The following SIN3B variants were observed in gnomAD, a reference collection of about 807,000 sequenced individuals.
The protein encoded by SIN3B is paired amphipathic helix protein Sin3b.
A neutral mutation model predicts 120.2 loss-of-function variants in SIN3B; 19 were observed. The observed-to-expected ratio is 0.16, with a 90% confidence interval of 0.11 to 0.23. SIN3B has a LOEUF of 0.23. Among genes scored for constraint, SIN3B ranks in the 10% least tolerant of loss-of-function variants. SIN3B has a pLI of 1.00. For synonymous variants in SIN3B, 654 were observed against 653.2 expected (o/e 1.00, Z -0.02); for missense variants, 1,073 against 1,573.0 (o/e 0.68, Z 5.38).
chr19:16,831,357 C>A (rs1404941865), intron 2 of SIN3B, 137 bp from the exon 3 acceptor site: 14 of 874,708 alleles, frequency 1.6e-5, no homozygotes, highest in Admixed American at 9.3e-5. Context: ...GCCACTGCGC[C>A]TGGTGGGTCA....
chr19:16,871,282 C>A lies in SIN3B; in HGVS notation c.2476C>A (p.Leu826Met). 1 of 1,614,232 alleles carries A rather than the reference C, an allele frequency of 6.2e-7. No homozygotes were observed. Among genetic ancestry groups the A allele is most frequent in the Non-Finnish European group, 8.5e-7 (1 of 1,180,052 alleles). The change falls in exon 14 of 19, where the codon CTG becomes ATG. Residue 826 changes from leucine (L) to methionine (M), a missense_variant. Physicochemically the swap from Leu to Met is conservative, Grantham distance 15. Transcript: ENST00000248054. ...YPAFLDMVRS[L>M]LEGSIDPTQY... ...GGCCTTCCTGGACATGGTGCGGAGC[C>A]TGCTGGAGGGCAGCATCGACCCCAC...
At chr19:16,839,886 C>T (rs746046636) in intron 3 of SIN3B, among the ~76,000 whole-genome samples, 29 of 152,184 alleles carry the variant, frequency 1.9e-4, no homozygotes, top group South Asian at 4.1e-4. Context: ...CGTGGTCGCA[C>T]GGCACCTGTG....
rs551887681 is a variant in SIN3B at position 16,829,786 on chromosome 19, T to A, written c.121-5T>A. 1 of 1,609,656 alleles carries A rather than the reference T, an allele frequency of 6.2e-7. No homozygotes were observed. The highest frequency in any genetic ancestry group is 1.3e-5 in the African/African-American group (1 of 74,700). ...GGCCCACCGGGACCCTCCCCCTCTC[T>A]GCAGGTAGAAGACGCCCTCACCTAT... On this transcript the variant is annotated splice_region_variant and splice_polypyrimidine_tract_variant and intron_variant, in intron 1 of 18. Transcript: ENST00000248054.
At chr19:16,838,478 C>T (rs570020261) in intron 3 of SIN3B, among the ~76,000 whole-genome samples, 6 of 152,208 alleles carry the variant, frequency 3.9e-5, no homozygotes, top group Admixed American at 2.6e-4. Flanking sequence ...TCGTGTTTTC[C>T]GGGGTCATTC....
chr19:16,829,685 C>T (rs1971253378), intron 1 of SIN3B, 106 bp from the exon 2 acceptor site: 1 of 1,296,606 alleles, frequency 7.7e-7, no homozygotes, highest in Non-Finnish European at 1.1e-6. Flanking sequence ...CACCTCTCAC[C>T]TCGGCCCTCC....
intron 3 of SIN3B, among the ~76,000 whole-genome samples, chr19:16,832,090 G>A (rs1971285722): frequency 6.6e-6 from 1 of 151,838 alleles, no homozygotes; most frequent in Non-Finnish European, 1.5e-5. Context: ...CCACGTTTAT[G>A]TTGGCTGTGT....
chr19:16,871,649 G>T (rs879608977), intron 14 of SIN3B: 1 of 448,650 alleles, frequency 2.2e-6, no homozygotes, highest in Non-Finnish European at 4.0e-6. Context: ...TTTCCAAAAG[G>T]AGACCCCATC....
chr19:16,832,198 T>TC (rs1971287153), intron 3 of SIN3B, among the ~76,000 whole-genome samples: 1 of 43,240 alleles, frequency 2.3e-5, no homozygotes, highest in Admixed American at 1.7e-4. Flanking sequence ...CCTCTTTTTT[T>TC]TTTTTTTTTT....
intron 4 of SIN3B, among the ~76,000 whole-genome samples, chr19:16,845,466 T>G (rs1328461364): frequency 1.3e-5 from 2 of 152,030 alleles, no homozygotes; most frequent in Admixed American, 6.6e-5. Context: ...AGAGATAGGG[T>G]TTCACCATCT....
chr19:16,864,334 T>TTTTA (rs1971731168), intron 10 of SIN3B, among the ~76,000 whole-genome samples: 1 of 151,936 alleles, frequency 6.6e-6, no homozygotes, highest in African/African-American at 2.4e-5. Context: ...TTTATTTTTA[T>TTTTA]TTTATTTATT....
intron 9 of SIN3B, chr19:16,863,426 G>T: frequency 1.8e-6 from 1 of 550,954 alleles, no homozygotes; most frequent in Non-Finnish European, 3.2e-6. Context: ...TTGGACATCA[G>T]GGACTTGAGT....
chr19:16,857,560 T>TAC (rs1350628741), intron 8 of SIN3B, among the ~76,000 whole-genome samples: 43 of 151,312 alleles, frequency 2.8e-4, no homozygotes, highest in Middle Eastern at 3.2e-3. Flanking sequence ...TGTGTATATA[T>TAC]ACACATAAAC....
intron 8 of SIN3B, among the ~76,000 whole-genome samples, chr19:16,860,758 C>T (rs1196259733): frequency 1.3e-5 from 2 of 151,992 alleles, no homozygotes; most frequent in South Asian, 2.1e-4. Flanking sequence ...CCCGCCACCA[C>T]GCCCAGCTAA....
At chr19:16,867,554 A>T (rs1480862726) in intron 12 of SIN3B, among the ~76,000 whole-genome samples, 1 of 152,086 alleles carries the variant, frequency 6.6e-6, no homozygotes, top group Non-Finnish European at 1.5e-5. Flanking sequence ...GTGGCTTAGG[A>T]GGGCACACTA....
At chr19:16,860,283 G>C (rs1225582480) in intron 8 of SIN3B, among the ~76,000 whole-genome samples, 1 of 152,218 alleles carries the variant, frequency 6.6e-6, no homozygotes, top group African/African-American at 2.4e-5. Context: ...ACACGGCCCA[G>C]GGAACTGCCC....
chr19:16,866,268 T>G (rs1229110329), intron 11 of SIN3B, 105 bp from the exon 12 acceptor site: 1 of 1,171,236 alleles, frequency 8.5e-7, no homozygotes, highest in Non-Finnish European at 1.2e-6. Context: ...TGGGCCTGGG[T>G]CCTGGACCCC....
chr19:16,878,415 CCGA>C, intron 18 of SIN3B, 25 bp downstream of exon 18: 1 of 1,600,572 alleles, frequency 6.2e-7, no homozygotes. Context: ...CTGGGCTGCC[CCGA>C]CATGCCCCTC....
intron 4 of SIN3B, chr19:16,844,169 GC>G (rs1971452572): frequency 6.6e-6 from 1 of 152,252 alleles, no homozygotes; most frequent in African/African-American, 2.4e-5. Context: ...TTTAAACAAG[GC>G]CCCTGGTGAC....
intron 14 of SIN3B, among the ~76,000 whole-genome samples, chr19:16,875,699 G>A (rs118073025): frequency 0.028 from 3,764 of 132,760 alleles, 70 homozygotes; most frequent in Non-Finnish European, 0.043. Context: ...TGGTCTGGTC[G>A]GTTCGGTCTG....
Sources: gnomAD v4.1 joint callset for allele counts (sites outside exome capture counted in the v4.1 genomes callset) on GRCh38, gnomAD v4.1.1 for gene constraint, MANE v1.5 for transcripts, NCBI Gene and HGNC (gene_info 2026-07-23, HGNC 2026-07-21) for gene names.